Variants in GPC6 observed in about 807,000 individuals in gnomAD.
GPC6 encodes the protein glypican 6.
A neutral mutation model predicts 55.2 loss-of-function variants in GPC6; 14 were observed. That is an observed-to-expected ratio of 0.25 (90% CI 0.17 to 0.40). The LOEUF (loss-of-function observed/expected upper bound fraction) is 0.40. GPC6 is among the 10% of genes least tolerant of loss of function. The pLI is 1.00. For missense variants in GPC6, 641 were observed against 708.5 expected (o/e 0.90, Z 1.08); for synonymous variants, 278 against 259.6 (o/e 1.07, Z -0.68).
rs761055980 is a variant in GPC6 at position 94,362,545 on chromosome 13, G to C, written c.1153-19869G>C. The stretch of plus-strand genomic sequence containing the variant: ...TATTCTCGGGGATAAGACTGGTAAG[G>C]GGGTGAAAGGTGGACAAAGACTGGA... On this transcript the variant is annotated intron_variant, in intron 6 of 8. Coordinates refer to ENST00000377047, the MANE Select transcript of GPC6 (RefSeq NM_005708.5). 7.2e-5 allele frequency among the ~76,000 whole-genome samples: 11 copies of C among 152,192 alleles called. No individual in the cohort carries two copies. In the South Asian group the frequency reaches 2.3e-3, roughly 32 times the overall value.
chr13:93,649,364 A>G (rs1365489240), intron 2 of GPC6, among the ~76,000 whole-genome samples: 1 of 152,174 alleles, frequency 6.6e-6, no homozygotes, highest in African/African-American at 2.4e-5. Context: ...AAGTTAGAGG[A>G]TCGCTTGAGC....
chr13:93,744,766 GA>G (rs528902977), intron 2 of GPC6, among the ~76,000 whole-genome samples: 13 of 148,298 alleles, frequency 8.8e-5, no homozygotes, highest in Non-Finnish European at 1.6e-4. Context: ...CGTCTCTACT[GA>G]AAAAAAAATA....
chr13:93,508,867 G>GC (rs1880833143), intron 1 of GPC6, among the ~76,000 whole-genome samples: 1 of 152,170 alleles, frequency 6.6e-6, no homozygotes, highest in Admixed American at 6.5e-5. Context: ...GAAAAGACTG[G>GC]CAGTGGTATG....
At chr13:93,295,858 G>C (rs1280068349) in intron 1 of GPC6, among the ~76,000 whole-genome samples, 1 of 152,138 alleles carries the variant, frequency 6.6e-6, no homozygotes, top group Non-Finnish European at 1.5e-5. Context: ...ACAGGCGTGT[G>C]CCATCATGGC....
At chr13:94,041,270 G>T (rs1273525704) in intron 4 of GPC6, among the ~76,000 whole-genome samples, 2 of 151,792 alleles carry the variant, frequency 1.3e-5, no homozygotes, top group African/African-American at 2.4e-5. Flanking sequence ...TCTTAATTCA[G>T]CAGAGGAATA....
chr13:93,576,500 C>A (rs1037678271), intron 2 of GPC6, among the ~76,000 whole-genome samples: 11 of 152,038 alleles, frequency 7.2e-5, no homozygotes, highest in Admixed American at 5.9e-4. Flanking sequence ...CTGGTGATAT[C>A]TTCCTATGAC....
At chr13:94,327,482 G>A (rs9589955) in intron 6 of GPC6, among the ~76,000 whole-genome samples, 8,580 of 152,010 alleles carry the variant, frequency 0.056, 811 homozygotes, top group African/African-American at 0.19. Context: ...CCACAACACA[G>A]GAAAAATGGT....
chr13:93,844,345 G>A (rs1189052859), intron 3 of GPC6, among the ~76,000 whole-genome samples: 1 of 152,062 alleles, frequency 6.6e-6, no homozygotes, highest in East Asian at 1.9e-4. Flanking sequence ...CACCATGTTG[G>A]CCAGGATGGT....
chr13:93,509,069 G>A (rs1462034424), intron 1 of GPC6, among the ~76,000 whole-genome samples: 1 of 152,180 alleles, frequency 6.6e-6, no homozygotes, highest in Non-Finnish European at 1.5e-5. Context: ...GGAAGCAGTG[G>A]TTCCAGTGAC....
At chr13:93,377,623 A>T (rs1278836172) in intron 1 of GPC6, among the ~76,000 whole-genome samples, 3 of 152,160 alleles carry the variant, frequency 2.0e-5, no homozygotes, top group Non-Finnish European at 4.4e-5. Flanking sequence ...GGAGGGGGAA[A>T]ATTCTTTTGT....
chr13:93,977,870 A>G (rs1334744026), intron 3 of GPC6, among the ~76,000 whole-genome samples: 1 of 152,294 alleles, frequency 6.6e-6, no homozygotes, highest in African/African-American at 2.4e-5. Flanking sequence ...AAATATACAC[A>G]ATTTACTATT....
intron 4 of GPC6, among the ~76,000 whole-genome samples, chr13:94,141,418 C>G (rs1379755821): frequency 2.0e-5 from 3 of 152,054 alleles, no homozygotes; most frequent in African/African-American, 7.2e-5. Context: ...GCGTTAGGTC[C>G]TGTTTATAAC....
intron 4 of GPC6, among the ~76,000 whole-genome samples, chr13:94,072,540 G>A (rs1049245276): frequency 6.6e-6 from 1 of 152,200 alleles, no homozygotes; most frequent in African/African-American, 2.4e-5. Flanking sequence ...TCTTAGTAGA[G>A]ACGGGGTTTC....
At chr13:94,150,092 C>T (rs1199009387) in intron 4 of GPC6, among the ~76,000 whole-genome samples, 1 of 152,044 alleles carries the variant, frequency 6.6e-6, no homozygotes, top group East Asian at 1.9e-4. Flanking sequence ...CTTCTTGGTG[C>T]CCCTTATCTC....
Position 94,344,597 on chromosome 13 carries a change from C to T in GPC6, c.1153-37817C>T, listed in dbSNP as rs566751493. Among the ~76,000 whole-genome samples the T allele has an allele frequency of 4.6e-5, 7 of 152,284 alleles. No individual in the cohort carries two copies. In the South Asian group the frequency reaches 1.2e-3, roughly 27 times the overall value. On this transcript the variant is annotated intron_variant, in intron 6 of 8. Coordinates refer to ENST00000377047, the MANE Select transcript of GPC6 (RefSeq NM_005708.5). ...TACTCTTCGTGACTGGTCATTGCCCCGAAATGAGTCAAGGACATGTCTGCA... is the reference window on the plus strand; with the variant it reads ...TACTCTTCGTGACTGGTCATTGCCCTGAAATGAGTCAAGGACATGTCTGCA...
rs1328802727 is a variant in GPC6, at chr13:93,830,346, G to A, written c.512G>A (p.Arg171Gln). 11 of 1,613,552 alleles carry A rather than the reference G, an allele frequency of 6.8e-6. No homozygotes were observed. The highest frequency in any genetic ancestry group is 1.1e-5 in the South Asian group (1 of 91,068). The change falls in exon 3 of 9, where the codon CGG (arginine) becomes CAG (glutamine). Residue 171 changes from arginine to glutamine, a missense_variant. Coordinates refer to ENST00000377047, the MANE Select transcript of GPC6 (RefSeq NM_005708.5). The stretch of plus-strand genomic sequence containing the variant: ...GACTTTTGGGCTCGGCTCCTGGAAC[G>A]GATGTTTCAGCTGATAAACCCTCAG... The part of the protein sequence containing the change: ...LNDFWARLLE[R>Q]MFQLINPQYH...
intron 4 of GPC6, among the ~76,000 whole-genome samples, chr13:94,132,401 C>T (rs1018230273): frequency 1.3e-5 from 2 of 152,132 alleles, no homozygotes; most frequent in Admixed American, 1.3e-4. Context: ...GTATGCAAGT[C>T]TTGAAAATCC....
chr13:94,398,060 T>C (rs912252431), intron 7 of GPC6, among the ~76,000 whole-genome samples: 5 of 152,208 alleles, frequency 3.3e-5, no homozygotes, highest in African/African-American at 1.2e-4. Flanking sequence ...ACCATGATTG[T>C]GAGGTCTCTC....
At chr13:93,399,112 A>G (rs1439273246) in intron 1 of GPC6, among the ~76,000 whole-genome samples, 2 of 151,874 alleles carry the variant, frequency 1.3e-5, no homozygotes, top group African/African-American at 4.8e-5. Context: ...TTTCTCTCAC[A>G]TTCACCGTGG....
Sources: allele counts gnomAD v4.1 joint callset (sites outside exome capture counted in the v4.1 genomes callset), GRCh38; gene constraint gnomAD v4.1.1; transcripts MANE v1.5; gene names NCBI Gene and HGNC (gene_info 2026-07-23, HGNC 2026-07-21).